NRXN1: variants seen among roughly 807,000 people sequenced by gnomAD.
NRXN1 encodes the protein neurexin 1.
Under a neutral mutation model 150.9 loss-of-function variants are expected in NRXN1, and 39 were observed. That is an observed-to-expected ratio of 0.26 (90% CI 0.20 to 0.34). The LOEUF is 0.34. Among genes scored for constraint, NRXN1 ranks in the 10% least tolerant of loss-of-function variants. NRXN1 has a pLI of 1.00. For missense variants in NRXN1, 1,815 were observed against 1,949.9 expected (o/e 0.93, Z 1.30); for synonymous variants, 924 against 757.0 (o/e 1.22, Z -3.62).
At position 50,146,838 on chromosome 2, in the gene NRXN1, C is replaced by T. The variant is rs189403831; in HGVS notation, c.3547-55344G>A. On this transcript the variant is annotated intron_variant, in intron 18 of 22. Coordinates refer to ENST00000401669, the MANE Select transcript of NRXN1 (RefSeq NM_001330078.2). ...TTTTTTACCCATTGAAATTCTGTAT[C>T]GTCATACTTAGGTCAGTCTTCTGGG... Among the ~76,000 whole-genome samples the T allele has an allele frequency of 3.5e-4, 53 of 151,634 alleles. 1 individual carries two copies. The highest frequency in any genetic ancestry group is 2.9e-3 in the Admixed American group (44 of 15,162).
chr2:50,681,870 T>A (rs1304800883), intron 5 of NRXN1, among the ~76,000 whole-genome samples: 3 of 95,644 alleles, frequency 3.1e-5, no homozygotes, highest in Admixed American at 1.0e-4. Flanking sequence ...ATCAGCATAG[T>A]AATTAAAATT....
intron 5 of NRXN1, among the ~76,000 whole-genome samples, chr2:50,703,178 A>G (rs941325851): frequency 6.6e-6 from 1 of 152,184 alleles, no homozygotes; most frequent in African/African-American, 2.4e-5. Flanking sequence ...AAGGACAAAC[A>G]GTTATAAGAA....
chr2:50,197,937 C>T (rs1432698977), intron 18 of NRXN1, among the ~76,000 whole-genome samples: 1 of 152,116 alleles, frequency 6.6e-6, no homozygotes, highest in African/African-American at 2.4e-5. Context: ...TTTCCTTCAA[C>T]AGAAAAAGAA....
At chr2:50,399,769 C>G (rs1189204792) in intron 17 of NRXN1, among the ~76,000 whole-genome samples, 1 of 93,402 alleles carries the variant, frequency 1.1e-5, no homozygotes, top group Non-Finnish European at 2.0e-5. Context: ...ATCTACCCAG[C>G]TCTGTAACGA....
intron 18 of NRXN1, among the ~76,000 whole-genome samples, chr2:50,140,456 G>T (rs1224250651): frequency 6.6e-6 from 1 of 152,008 alleles, no homozygotes; most frequent in Non-Finnish European, 1.5e-5. Context: ...ATGGTTGAGG[G>T]CACTCCACAT....
chr2:50,206,970 T>C (rs892726554), intron 18 of NRXN1, among the ~76,000 whole-genome samples: 2 of 151,654 alleles, frequency 1.3e-5, no homozygotes, highest in Non-Finnish European at 2.9e-5. Flanking sequence ...TTTAATATCA[T>C]GTCATAATAT....
intron 5 of NRXN1, chr2:50,918,091 T>A (rs1163758651): frequency 6.6e-6 from 1 of 151,640 alleles, no homozygotes; most frequent in Non-Finnish European, 1.5e-5. Context: ...AAATCTATCT[T>A]TATTACTTTT....
intron 17 of NRXN1, among the ~76,000 whole-genome samples, chr2:50,354,554 CAT>C (rs71404946): frequency 0.16 from 16,169 of 99,908 alleles, 1,163 homozygotes; most frequent in East Asian, 0.31. Flanking sequence ...AGAGTGCATA[CAT>C]ATATATATAT....
rs753394045 is a variant in NRXN1 at position 51,027,827 on chromosome 2, C to T, written c.447G>A (p.Val149=). Residue 149 remains valine, a synonymous_variant, in exon 2 of 23, where the codon GTG becomes GTA. Transcript: ENST00000401669. ...GCCCCCCGACGAAAAGGCCGCTGAA[C>T]ACCGTCATGTCCCTGCGCTTGGACT... The part of the protein sequence containing the change: ...EVKSKRRDMT[V]FSGLFVGGLP... 2 of 1,613,474 alleles carry T rather than the reference C, an allele frequency of 1.2e-6. No individual in the cohort carries two copies. Among genetic ancestry groups the T allele is most frequent in the Non-Finnish European group, 8.5e-7 (1 of 1,179,718 alleles).
At chr2:50,264,880 A>G (rs978246600) in intron 17 of NRXN1, among the ~76,000 whole-genome samples, 2 of 152,144 alleles carry the variant, frequency 1.3e-5, no homozygotes, top group African/African-American at 4.8e-5. Context: ...GAATAATGTC[A>G]TCACTAGGAC....
intron 15 of NRXN1, among the ~76,000 whole-genome samples, chr2:50,479,538 C>G (rs1265164286): frequency 6.6e-6 from 1 of 152,084 alleles, no homozygotes; most frequent in East Asian, 1.9e-4. Flanking sequence ...TAATCCTAAA[C>G]ACGTTTATAT....
rs776741114 is a variant in NRXN1, at chr2:50,998,238, T to C, written c.772+29264A>G. 1.4e-4 allele frequency among the ~76,000 whole-genome samples: 20 copies of C among 141,654 alleles called. 1 individual carries two copies. Among genetic ancestry groups the C allele is most frequent in the Non-Finnish European group, 2.2e-4 (15 of 66,988 alleles). 92.9% of individuals were successfully genotyped at this position (141,654 alleles called of 152,430 possible). ...AAGTTTATCAGAGACAATACTGATA[T>C]GTTAAAAAAATTACTCACAAAACAC... On this transcript the variant is annotated intron_variant, in intron 2 of 22. Coordinates refer to ENST00000401669, the MANE Select transcript of NRXN1 (RefSeq NM_001330078.2).
chr2:50,131,799 C>A (rs149863260), intron 18 of NRXN1, among the ~76,000 whole-genome samples: 33 of 152,204 alleles, frequency 2.2e-4, no homozygotes, highest in African/African-American at 7.7e-4. Flanking sequence ...TGTCCCTGGA[C>A]TTTTGTAGGA....
chr2:50,607,565 G>C (rs1356584402), intron 8 of NRXN1, among the ~76,000 whole-genome samples: 1 of 151,886 alleles, frequency 6.6e-6, no homozygotes, highest in African/African-American at 2.4e-5. Context: ...AGCAAATTGT[G>C]GTAAGGTAAA....
chr2:50,726,798 C>A (rs919114846), intron 5 of NRXN1, among the ~76,000 whole-genome samples: 1 of 151,902 alleles, frequency 6.6e-6, no homozygotes, highest in African/African-American at 2.4e-5. Context: ...ATTTTAAATC[C>A]CTAATGGAAA....
At chr2:50,437,284 G>C (rs1344418760) in intron 17 of NRXN1, among the ~76,000 whole-genome samples, 2 of 152,070 alleles carry the variant, frequency 1.3e-5, no homozygotes, top group Admixed American at 6.5e-5. Context: ...TAAAACTTTT[G>C]TGCCCATTTG....
At chr2:50,284,512 A>G (rs2071861559) in intron 17 of NRXN1, among the ~76,000 whole-genome samples, 2 of 152,156 alleles carry the variant, frequency 1.3e-5, no homozygotes. Flanking sequence ...GCTGCCTCCC[A>G]CAACGACATA....
At chr2:50,861,678 G>A (rs575246485) in intron 5 of NRXN1, among the ~76,000 whole-genome samples, 18 of 152,126 alleles carry the variant, frequency 1.2e-4, no homozygotes, top group African/African-American at 3.6e-4. Context: ...CCATTACAAA[G>A]TGGCAATAAA....
intron 12 of NRXN1, among the ~76,000 whole-genome samples, chr2:50,512,553 GCTA>G (rs2092489273): frequency 6.6e-6 from 1 of 152,174 alleles, no homozygotes; most frequent in South Asian, 2.1e-4. Flanking sequence ...GCATAGCTAT[GCTA>G]CTTAGTCCAG....
Sources: gnomAD v4.1 joint callset for allele counts (sites outside exome capture counted in the v4.1 genomes callset) on GRCh38, gnomAD v4.1.1 for gene constraint, MANE v1.5 for transcripts, NCBI Gene and HGNC (gene_info 2026-07-23, HGNC 2026-07-21) for gene names.